The following PCDHAC2 variants were observed in gnomAD, a reference collection of about 807,000 sequenced individuals.
The protein encoded by PCDHAC2 is protocadherin alpha-C2.
PCDHAC2 carries 24 observed loss-of-function variants against 63.3 expected under a neutral mutation model. The ratio of observed to expected loss-of-function variants is 0.38; its 90% CI spans 0.27 to 0.53. The LOEUF (loss-of-function observed/expected upper bound fraction) is 0.53. PCDHAC2 is among the 20% of genes least tolerant of loss of function. PCDHAC2 has a pLI of 0.81. For synonymous variants in PCDHAC2, 569 were observed against 529.4 expected (o/e 1.07, Z -1.03); for missense variants, 1,181 against 1,275.2 (o/e 0.93, Z 1.12).
Position 141,009,783 on chromosome 5 carries a change from G to C in PCDHAC2, c.2870G>C (p.Arg957Pro). The part of the protein sequence containing the change: ...IPGSPAIISI[R>P]QEPTNSQIDK... The stretch of plus-strand genomic sequence containing the variant: ...GGATCTCCTGCAATCATCTCCATCC[G>C]GCAGGAGCCTACTAACAGCCAAATT... Residue 957 changes from arginine (R) to proline (P), a missense_variant, in exon 4 of 4, where the codon CGG (arginine) becomes CCG (proline). Arg to Pro is a moderately radical substitution (Grantham distance 103). Coordinates refer to ENST00000289269, the MANE Select transcript of PCDHAC2 (RefSeq NM_018899.6). 2 of 1,614,000 alleles carry C rather than the reference G, an allele frequency of 1.2e-6. No homozygotes were observed. The highest frequency in any genetic ancestry group is 1.7e-6 in the Non-Finnish European group (2 of 1,180,008).
chr5:140,974,944 T>C (rs1216786290), intron 1 of PCDHAC2, among the ~76,000 whole-genome samples: 1 of 152,210 alleles, frequency 6.6e-6, no homozygotes, highest in African/African-American at 2.4e-5. Context: ...ACCTATTTGT[T>C]ATCTCACAGT....
intron 1 of PCDHAC2, among the ~76,000 whole-genome samples, chr5:140,975,369 T>G (rs2096664514): frequency 6.6e-6 from 1 of 152,230 alleles, no homozygotes; most frequent in Admixed American, 6.5e-5. Flanking sequence ...CATAGCATAA[T>G]GTAATCATGG....
At chr5:140,973,472 T>C (rs572763440) in intron 1 of PCDHAC2, among the ~76,000 whole-genome samples, 3 of 152,220 alleles carry the variant, frequency 2.0e-5, no homozygotes, top group Non-Finnish European at 4.4e-5. Flanking sequence ...AGTTTGCAAA[T>C]TTCATATTGG....
In PCDHAC2 at chr5:141,011,905, G is replaced by C. The variant is rs1400272126; in HGVS notation, c.*1968G>C. 4 of 153,222 alleles carry C rather than the reference G, an allele frequency of 2.6e-5. No individual in the cohort carries two copies. Among genetic ancestry groups the C allele is most frequent in the African/African-American group, 9.7e-5 (4 of 41,224 alleles). The allele number at this position is 153,222 out of a possible 1,614,324, so 9.5% of individuals were successfully genotyped here. A position where few individuals can be genotyped will look rare whatever the true frequency, so the allele number is the denominator to read the frequency against. ...TTGATTAATTATATTATCTATTTAG[G>C]CATTAATATAAAAGAGGTAGGAGTC... On this transcript the variant is annotated 3_prime_UTR_variant, in exon 4 of 4. Coordinates refer to ENST00000289269, the MANE Select transcript of PCDHAC2 (RefSeq NM_018899.6).
chr5:140,984,086 A>C (rs187283969), intron 3 of PCDHAC2, among the ~76,000 whole-genome samples: 1 of 152,356 alleles, frequency 6.6e-6, no homozygotes, highest in Admixed American at 6.5e-5. Flanking sequence ...GGAGTGAAGA[A>C]ATGATGGAGG....
chr5:140,995,685 T>C (rs951521178), intron 3 of PCDHAC2, among the ~76,000 whole-genome samples: 8 of 152,186 alleles, frequency 5.3e-5, no homozygotes, highest in African/African-American at 1.9e-4. Flanking sequence ...TTTTTTTTAA[T>C]TGTTAAATAA....
At chr5:140,987,588 A>G (rs1479484790) in intron 3 of PCDHAC2, among the ~76,000 whole-genome samples, 1 of 152,220 alleles carries the variant, frequency 6.6e-6, no homozygotes, top group Non-Finnish European at 1.5e-5. Flanking sequence ...TGGGGAGAAT[A>G]GTGGTGTCTA....
rs1295691287 is a variant in PCDHAC2 at position 140,968,476 on chromosome 5, G to A, written c.1710G>A (p.Val570=). The part of the protein sequence containing the change: ...SSTVTANVYV[V]DMNDHAPHIL... ...CTGTGACTGCCAACGTATATGTGGT[G>A]GACATGAATGACCATGCCCCTCACA... The change falls in exon 1 of 4, where the codon GTG becomes GTA. Residue 570 remains valine, a synonymous_variant. Coordinates refer to ENST00000289269, the MANE Select transcript of PCDHAC2 (RefSeq NM_018899.6). 1 of 1,613,974 alleles carries A rather than the reference G, an allele frequency of 6.2e-7. No homozygotes were observed. The highest frequency in any genetic ancestry group is 2.2e-5 in the East Asian group (1 of 44,898).
In PCDHAC2 at chr5:140,967,680, GGCAGCTCTTCA is replaced by G; in HGVS notation, c.918_928del (p.Gln306HisfsTer17). On this transcript the variant is annotated frameshift_variant, in exon 1 of 4. Transcript: ENST00000289269. LOFTEE classifies it high-confidence loss of function. ...AGCAGCTACACGTCGGACCGGGAGA[GGCAGCTCTTCA>G]GCATAGATGCCAGTACCGGGGAAGT... 6.2e-7 allele frequency: 1 copy of G among 1,614,228 alleles called. No individual in the cohort carries two copies. The highest frequency in any genetic ancestry group is 2.2e-5 in the East Asian group (1 of 44,886).
At chr5:140,973,972 G>A (rs1467007704) in intron 1 of PCDHAC2, among the ~76,000 whole-genome samples, 1 of 152,186 alleles carries the variant, frequency 6.6e-6, no homozygotes, top group Non-Finnish European at 1.5e-5. Flanking sequence ...TTTAAATGTG[G>A]CTTTTACAGA....
rs1554230238 is a variant in PCDHAC2 at position 140,968,038 on chromosome 5, C to T, written c.1272C>T (p.Ser424=). 8.7e-6 allele frequency: 14 copies of T among 1,614,148 alleles called. No homozygotes were observed. Among genetic ancestry groups the T allele is most frequent in the East Asian group, 2.2e-5 (1 of 44,878 alleles). Residue 424 remains serine, a synonymous_variant, in exon 1 of 4, where the codon AGC becomes AGT. Transcript: ENST00000289269. ...GAAACTCCTATACACTGGTGGTGAG[C>T]GGCCCACTGGACCGAGAGCGGGTGG... ...GFGNSYTLVV[S]GPLDRERVAV... is the part of the protein sequence containing the mutation.
At chr5:140,972,540 T>C (rs1375467339) in intron 1 of PCDHAC2, among the ~76,000 whole-genome samples, 1 of 152,148 alleles carries the variant, frequency 6.6e-6, no homozygotes, top group East Asian at 1.9e-4. Context: ...AAATCACTTG[T>C]GCAGTGAGGA....
chr5:140,973,974 T>C (rs2096609755), intron 1 of PCDHAC2, among the ~76,000 whole-genome samples: 1 of 152,224 alleles, frequency 6.6e-6, no homozygotes. Context: ...TAAATGTGGC[T>C]TTTACAGAAC....
chr5:141,011,749 G>T lies in PCDHAC2; in HGVS notation c.*1812G>T, dbSNP rs782567787. 1.2e-4 allele frequency: 18 copies of T among 153,636 alleles called. No homozygotes were observed. Among genetic ancestry groups the T allele is most frequent in the Non-Finnish European group, 2.5e-4 (17 of 68,010 alleles). 9.5% of individuals were successfully genotyped at this position (153,636 alleles called of 1,614,324 possible). A position where few individuals can be genotyped will look rare whatever the true frequency, so the allele number is the denominator to read the frequency against. On this transcript the variant is annotated 3_prime_UTR_variant, in exon 4 of 4. Coordinates refer to ENST00000289269, the MANE Select transcript of PCDHAC2 (RefSeq NM_018899.6). ...GTGCAAGCACAAATTTTACCAATCT[G>T]ACCTCTTTGAAGTTGCAGAATGCTT...
At chr5:140,981,725 A>T (rs1554243280) in intron 2 of PCDHAC2, among the ~76,000 whole-genome samples, 1 of 151,396 alleles carries the variant, frequency 6.6e-6, no homozygotes, top group Non-Finnish European at 1.5e-5. Context: ...TCCAACAAAT[A>T]TTTGAGAGAT....
intron 1 of PCDHAC2, among the ~76,000 whole-genome samples, chr5:140,977,103 G>A (rs1159604551): frequency 6.6e-6 from 1 of 152,230 alleles, no homozygotes; most frequent in Non-Finnish European, 1.5e-5. Context: ...TTGGGGAAGT[G>A]AGATTGTATA....
At chr5:141,005,371 T>G (rs35698397) in intron 3 of PCDHAC2, among the ~76,000 whole-genome samples, 7,868 of 152,226 alleles carry the variant, frequency 0.052, 247 homozygotes, top group South Asian at 0.11. Flanking sequence ...TAGAATGCCT[T>G]TCCAAGGAGG....
At chr5:140,979,820 T>A (rs937223402) in intron 2 of PCDHAC2, among the ~76,000 whole-genome samples, 19 of 152,198 alleles carry the variant, frequency 1.2e-4, no homozygotes, top group African/African-American at 4.6e-4. Context: ...AGGATTTAAT[T>A]TTAAAGAAGA....
At position 140,978,793 on chromosome 5, in the gene PCDHAC2, A is replaced by G. The variant is rs1241254692; in HGVS notation, c.2566-156A>G. 4.1e-6 allele frequency: 4 copies of G among 977,674 alleles called. No individual in the cohort carries two copies. In the African/African-American group the frequency reaches 7.0e-5, roughly 17 times the overall value. The allele number at this position is 977,674 out of a possible 1,614,324, so 60.6% of individuals were successfully genotyped here. On this transcript the variant is annotated intron_variant, in intron 1 of 3. Coordinates refer to ENST00000289269, the MANE Select transcript of PCDHAC2 (RefSeq NM_018899.6). ...CTAATTTTCTTCTAAAGTGCTATAT[A>G]TGTAGATATCATCATAGAGTTACAC... is the stretch of plus-strand genomic sequence containing the variant.
Sources: allele counts gnomAD v4.1 joint callset (sites outside exome capture counted in the v4.1 genomes callset), GRCh38; gene constraint gnomAD v4.1.1; transcripts MANE v1.5; gene names NCBI Gene and HGNC (gene_info 2026-07-23, HGNC 2026-07-21).